The following TFPI variants were observed in gnomAD, a reference collection of about 807,000 sequenced individuals.
TFPI encodes the protein tissue factor pathway inhibitor.
In TFPI, 15 loss-of-function variants were observed where a neutral mutation model predicts 34.6. The ratio of observed to expected loss-of-function variants is 0.43; its 90% CI spans 0.29 to 0.67. TFPI has a LOEUF of 0.67. Among genes scored for constraint, TFPI ranks in the 30% least tolerant of loss-of-function variants. The probability of loss-of-function intolerance (pLI) is 0.15; values close to 1 mark genes in which losing one functional copy is unlikely to be tolerated. For synonymous variants in TFPI, 105 were observed against 120.1 expected, an observed-to-expected ratio of 0.87 and a Z score of 0.82; for missense variants, 301 against 364.0, an observed-to-expected ratio of 0.83 and a Z score of 1.41.
intron 1 of TFPI, among the ~76,000 whole-genome samples, chr2:187,521,953 A>G (rs1340461809): frequency 1.3e-5 from 2 of 152,136 alleles, no homozygotes; most frequent in South Asian, 2.1e-4. Flanking sequence ...ATAAACTGAT[A>G]TCTCATTATT....
intron 1 of TFPI, among the ~76,000 whole-genome samples, chr2:187,551,257 C>A (rs1689086399): frequency 6.6e-6 from 1 of 152,116 alleles, no homozygotes; most frequent in South Asian, 2.1e-4. Flanking sequence ...AGTTGTACTG[C>A]AGCATTGGAA....
At chr2:187,470,601 A>G (rs1275761038) in intron 6 of TFPI, among the ~76,000 whole-genome samples, 7 of 152,220 alleles carry the variant, frequency 4.6e-5, no homozygotes, top group Non-Finnish European at 1.0e-4. Flanking sequence ...TGCTAGCTTC[A>G]GTCTTCCTTT....
Position 187,467,050 on chromosome 2 carries a change from A to G in TFPI, c.809-8T>C. On this transcript the variant is annotated splice_region_variant and splice_polypyrimidine_tract_variant and intron_variant, in intron 7 of 7. Transcript: ENST00000233156. Reference sequence around the variant, plus strand: ...ATATTCTTTGGATGAAACCTATAAGAGGAAGAGGAATAAATTAATGTGTGA... The same window carrying G: ...ATATTCTTTGGATGAAACCTATAAGGGGAAGAGGAATAAATTAATGTGTGA... 6.7e-7 allele frequency: 1 copy of G among 1,486,218 alleles called. No individual in the cohort carries two copies. 92.1% of individuals were successfully genotyped at this position (1,486,218 alleles called of 1,614,324 possible). A position where few individuals can be genotyped will look rare whatever the true frequency, so the allele number is the denominator to read the frequency against.
At chr2:187,494,017 A>G (rs1685295305) in intron 3 of TFPI, among the ~76,000 whole-genome samples, 1 of 152,114 alleles carries the variant, frequency 6.6e-6, no homozygotes, top group Non-Finnish European at 1.5e-5. Context: ...TTCCAGCAAC[A>G]CCCCATTCTA....
chr2:187,501,387 T>C (rs1685842871), intron 2 of TFPI, among the ~76,000 whole-genome samples: 1 of 148,680 alleles, frequency 6.7e-6, no homozygotes, highest in Non-Finnish European at 1.5e-5. Flanking sequence ...ACTGTAAGAA[T>C]ACTCATCCTC....
At chr2:187,483,103 A>G (rs1574393559) in intron 6 of TFPI, among the ~76,000 whole-genome samples, 1 of 151,890 alleles carries the variant, frequency 6.6e-6, no homozygotes, top group East Asian at 1.9e-4. Context: ...TTAATGCTTC[A>G]AATCCACGTG....
intron 1 of TFPI, among the ~76,000 whole-genome samples, chr2:187,535,795 C>A (rs1470296701): frequency 6.6e-6 from 1 of 152,034 alleles, no homozygotes; most frequent in East Asian, 1.9e-4. Flanking sequence ...AATCCAGGAG[C>A]TGGTTTTTTA....
At chr2:187,550,242 T>TG (rs1459284955) in intron 1 of TFPI, among the ~76,000 whole-genome samples, 1 of 152,066 alleles carries the variant, frequency 6.6e-6, no homozygotes, top group Non-Finnish European at 1.5e-5. Flanking sequence ...AAAGACTGGG[T>TG]GAAGCACCAC....
chr2:187,468,841 G>A (rs1691869303), intron 6 of TFPI, among the ~76,000 whole-genome samples: 2 of 152,070 alleles, frequency 1.3e-5, no homozygotes, highest in Admixed American at 6.6e-5. Context: ...CTACAGGTAA[G>A]TTGTATGGCA....
chr2:187,532,351 G>C (rs114676835), intron 1 of TFPI, among the ~76,000 whole-genome samples: 2 of 152,202 alleles, frequency 1.3e-5, no homozygotes. Flanking sequence ...CAGAAGGTGC[G>C]TGATTTCTGC....
intron 1 of TFPI, among the ~76,000 whole-genome samples, chr2:187,521,241 T>C (rs1687354929): frequency 6.6e-6 from 1 of 152,152 alleles, no homozygotes; most frequent in Non-Finnish European, 1.5e-5. Flanking sequence ...TTACTTAGTA[T>C]ACCATCCATG....
intron 1 of TFPI, among the ~76,000 whole-genome samples, chr2:187,510,426 A>G (rs546942867): frequency 3.9e-5 from 6 of 152,322 alleles, no homozygotes; most frequent in Admixed American, 3.9e-4. Context: ...GTTAAAAATA[A>G]AAAACCCTGC....
At chr2:187,529,442 T>A (rs1687847665) in intron 1 of TFPI, 1 of 152,260 alleles carries the variant, frequency 6.6e-6, no homozygotes, top group Admixed American at 6.5e-5. Context: ...GGCTTGCCAA[T>A]GGTGGCTGCT....
chr2:187,511,194 C>T (rs1374710297), intron 1 of TFPI, among the ~76,000 whole-genome samples: 3 of 152,202 alleles, frequency 2.0e-5, no homozygotes, highest in African/African-American at 4.8e-5. Context: ...CTGGCACTTG[C>T]AGTCTGGACA....
intron 1 of TFPI, among the ~76,000 whole-genome samples, chr2:187,512,786 C>T (rs552028902): frequency 6.6e-6 from 1 of 151,910 alleles, no homozygotes; most frequent in African/African-American, 2.4e-5. Context: ...GGGGGGGCCG[C>T]GAAATTTATG....
intron 6 of TFPI, among the ~76,000 whole-genome samples, chr2:187,470,390 A>C (rs531928991): frequency 6.6e-6 from 1 of 152,280 alleles, no homozygotes; most frequent in South Asian, 2.1e-4. Flanking sequence ...AACATGGCCC[A>C]ATCATAAAAT....
At chr2:187,511,917 A>C (rs953356703) in intron 1 of TFPI, among the ~76,000 whole-genome samples, 2 of 151,050 alleles carry the variant, frequency 1.3e-5, no homozygotes, top group East Asian at 3.9e-4. Flanking sequence ...GAGTCAAGGA[A>C]AGAGAGAGAG....
At chr2:187,511,937 T>C (rs982149992) in intron 1 of TFPI, among the ~76,000 whole-genome samples, 1 of 151,634 alleles carries the variant, frequency 6.6e-6, no homozygotes, top group Non-Finnish European at 1.5e-5. Context: ...GAGAGAGATA[T>C]ACAAGTAGTT....
At chr2:187,476,392 T>C (rs1373942618) in intron 6 of TFPI, among the ~76,000 whole-genome samples, 1 of 152,092 alleles carries the variant, frequency 6.6e-6, no homozygotes, top group Non-Finnish European at 1.5e-5. Context: ...CAGGCTGGAG[T>C]GCAGTGGCAC....
Sources: gnomAD v4.1 joint callset for allele counts (sites outside exome capture counted in the v4.1 genomes callset) on GRCh38, gnomAD v4.1.1 for gene constraint, MANE v1.5 for transcripts, NCBI Gene and HGNC (gene_info 2026-07-23, HGNC 2026-07-21) for gene names.